Variants in SH3YL1 observed in about 807,000 individuals in gnomAD.
SH3YL1 encodes the protein SH3 and SYLF domain containing 1, also known as SH3 domain-containing YSC84-like protein 1.
Under a neutral mutation model 45.8 loss-of-function variants are expected in SH3YL1, and 41 were observed. The observed-to-expected ratio is 0.89, with a 90% CI of 0.70 to 1.16. SH3YL1 has a LOEUF of 1.16. SH3YL1 is among the 50% of genes most tolerant of loss of function. The pLI is 0.00. For synonymous variants in SH3YL1, 152 were observed against 151.4 expected (o/e 1.00, Z -0.03); for missense variants, 389 against 409.6 (o/e 0.95, Z 0.43).
chr2:262,580 T>C (rs1669628948), intron 1 of SH3YL1: 3 of 1,302,530 alleles, frequency 2.3e-6, no homozygotes, highest in African/African-American at 1.5e-5. Context: ...AAAAACTTCA[T>C]GTGCTTAGGT....
At chr2:260,796 T>C (rs1669558728) in intron 1 of SH3YL1, 1 of 152,256 alleles carries the variant, frequency 6.6e-6, no homozygotes, top group Non-Finnish European at 1.5e-5. Flanking sequence ...ACTTTCTACT[T>C]TGAACTCTCT....
chr2:254,346 G>A (rs1033066738), intron 1 of SH3YL1, among the ~76,000 whole-genome samples: 2 of 152,212 alleles, frequency 1.3e-5, no homozygotes, highest in African/African-American at 2.4e-5. Flanking sequence ...GAAGTATATC[G>A]AGAAGATAGA....
chr2:224,579 G>A (rs906142436), intron 9 of SH3YL1, among the ~76,000 whole-genome samples: 5 of 151,868 alleles, frequency 3.3e-5, no homozygotes, highest in African/African-American at 4.8e-5. Flanking sequence ...TAACACTGAC[G>A]GTTAGCTCCT....
chr2:263,783 G>A (rs1216394623), intron 1 of SH3YL1: 5 of 479,248 alleles, frequency 1.0e-5, no homozygotes, highest in African/African-American at 2.0e-5. Flanking sequence ...AAAAGACGGT[G>A]GCTAAACTTC....
intron 9 of SH3YL1, among the ~76,000 whole-genome samples, chr2:221,560 G>GGGT (rs1667575556): frequency 6.6e-6 from 1 of 152,014 alleles, no homozygotes; most frequent in Non-Finnish European, 1.5e-5. Flanking sequence ...TGAGAGAGGA[G>GGGT]GGTAGAGGAG....
At chr2:233,336 C>T (rs1427558360) in intron 5 of SH3YL1, 107 bp from the exon 6 acceptor site, 2 of 1,174,992 alleles carry the variant, frequency 1.7e-6, no homozygotes, top group Non-Finnish European at 2.2e-6. Context: ...TTGTTCTGTA[C>T]CTTCTTCAGC....
At chr2:252,626 T>A (rs1669118667) in intron 2 of SH3YL1, among the ~76,000 whole-genome samples, 1 of 152,164 alleles carries the variant, frequency 6.6e-6, no homozygotes, top group Non-Finnish European at 1.5e-5. Context: ...ATAATTAATA[T>A]CATTATTTTA....
At chr2:258,581 A>G (rs1434823965) in intron 1 of SH3YL1, among the ~76,000 whole-genome samples, 1 of 152,190 alleles carries the variant, frequency 6.6e-6, no homozygotes, top group Admixed American at 6.5e-5. Context: ...TAAAAGTGTT[A>G]ACACTTGTGT....
intron 1 of SH3YL1, 128 bp from the exon 2 acceptor site, chr2:253,243 A>T (rs1228326043): frequency 3.3e-6 from 2 of 608,906 alleles, no homozygotes; most frequent in African/African-American, 3.7e-5. Context: ...CATTTTGAAT[A>T]GGAGCTGGGT....
chr2:240,354 G>C (rs1668488416), intron 4 of SH3YL1: 1 of 152,320 alleles, frequency 6.6e-6, no homozygotes, highest in Non-Finnish European at 1.5e-5. Context: ...CAGACAGAGA[G>C]ACAGGCTGCA....
chr2:230,892 A>T, intron 7 of SH3YL1, 131 bp downstream of exon 7: 1 of 826,772 alleles, frequency 1.2e-6, no homozygotes, highest in Non-Finnish European at 2.0e-6. Context: ...TGACCTTTTC[A>T]CAAGAATGTG....
rs111558093 is a variant in SH3YL1, at chr2:249,706, C to G, written c.226+25G>C. ...CAGAACAAAGAATGAAGACTCTCTA[C>G]TCCAGTGAACAGACGCCAACTTACT... On this transcript the variant is annotated intron_variant, in intron 3 of 9. Transcript: ENST00000356150. 56 of 1,462,762 alleles carry G rather than the reference C, an allele frequency of 3.8e-5. 1 individual carries two copies. The African/African-American group carries it at 4.8e-4, about 12-fold the overall frequency. The allele number at this position is 1,462,762 out of a possible 1,614,324, so 90.6% of individuals were successfully genotyped here.
chr2:230,228 A>T, intron 7 of SH3YL1, 184 bp from the exon 8 acceptor site: 1 of 449,634 alleles, frequency 2.2e-6, no homozygotes, highest in Non-Finnish European at 4.0e-6. Context: ...GACAAGACTC[A>T]GATGTGGACA....
chr2:246,651 A>G lies in SH3YL1; in HGVS notation c.291+887T>C, dbSNP rs527612117. 4.6e-5 allele frequency among the ~76,000 whole-genome samples: 7 copies of G among 152,204 alleles called. No homozygotes were observed. The East Asian group carries it at 1.2e-3, about 25-fold the overall frequency. On this transcript the variant is annotated intron_variant, in intron 4 of 9. Transcript: ENST00000356150. Reference sequence around the variant, plus strand: ...GAGGAAGGGGAGGGAAGCCACAATCACTGATGAAAATGCACTTTCCACCAG... The same window carrying G: ...GAGGAAGGGGAGGGAAGCCACAATCGCTGATGAAAATGCACTTTCCACCAG...
intron 9 of SH3YL1, among the ~76,000 whole-genome samples, chr2:220,620 C>T (rs1667529398): frequency 6.6e-6 from 1 of 152,254 alleles, no homozygotes; most frequent in Admixed American, 6.5e-5. Flanking sequence ...GAGCTGTGCT[C>T]TGCCCTGGGT....
upstream of SH3YL1, chr2:264,363 T>C (rs867517395): frequency 6.8e-5 from 16 of 235,768 alleles, no homozygotes; most frequent in Middle Eastern, 1.3e-3. Flanking sequence ...AGCCCCTCTA[T>C]GCGAACTCGA....
rs1194036239 is a variant in SH3YL1, at chr2:247,582, T to C, written c.247A>G (p.Ile83Val). 14 of 1,551,574 alleles carry C rather than the reference T, an allele frequency of 9.0e-6. No homozygotes were observed. The highest frequency in any genetic ancestry group is 1.2e-5 in the Non-Finnish European group (14 of 1,146,974). Residue 83 changes from isoleucine to valine, a missense_variant, in exon 4 of 10, where the codon ATT becomes GTT. Physicochemically the swap from Ile to Val is conservative, Grantham distance 29. Coordinates refer to ENST00000356150, the MANE Select transcript of SH3YL1 (RefSeq NM_015677.4). ...CCTCCACCAAGGCCAGCTATCCCAA[T>C]GGCTGAGGGTGCAGACCATTCTAAT... ...PDGKWSAPSA[I>V]GIAGLGGGFE... is the part of the protein sequence containing the mutation.
chr2:228,265 A>G (rs1264422936), intron 8 of SH3YL1, among the ~76,000 whole-genome samples: 1 of 152,222 alleles, frequency 6.6e-6, no homozygotes, highest in Non-Finnish European at 1.5e-5. Flanking sequence ...CATCTCCCCA[A>G]GAAAGGGTTC....
chr2:249,601 T>C, intron 3 of SH3YL1, 130 bp downstream of exon 3: 2 of 655,598 alleles, frequency 3.1e-6, no homozygotes, highest in East Asian at 5.7e-5. Flanking sequence ...TTCAGTCGAG[T>C]AGCCCTTATT....
Sources: allele counts gnomAD v4.1 joint callset (sites outside exome capture counted in the v4.1 genomes callset), GRCh38; gene constraint gnomAD v4.1.1; transcripts MANE v1.5; gene names NCBI Gene and HGNC (gene_info 2026-07-23, HGNC 2026-07-21).